FBXL13: variants seen among roughly 807,000 people sequenced by gnomAD.
FBXL13 encodes the protein F-box and leucine-rich repeat protein 13.
In FBXL13, 67 loss-of-function variants were observed where a neutral mutation model predicts 83.6. That is an observed-to-expected ratio of 0.80 (90% CI 0.66 to 0.98). The LOEUF is 0.98. Among genes scored for constraint, FBXL13 ranks in the 50% least tolerant of loss-of-function variants. The pLI is 0.00. For synonymous variants in FBXL13, 272 were observed against 299.5 expected (o/e 0.91, Z 0.95); for missense variants, 822 against 866.5 (o/e 0.95, Z 0.64).
At chr7:102,910,375 T>A (rs891472574) in intron 11 of FBXL13, among the ~76,000 whole-genome samples, 2 of 151,290 alleles carry the variant, frequency 1.3e-5, no homozygotes, top group African/African-American at 4.9e-5. Context: ...AGGTGTTTTT[T>A]CTTTTTCTTT....
Position 103,025,017 on chromosome 7 carries a change from C to T in FBXL13, c.495+46G>A, listed in dbSNP as rs767068466. On this transcript the variant is annotated intron_variant, in intron 6 of 19. Transcript: ENST00000313221. ...CTGGGATTACAGGCATGCACCACCACACTTGGCAGATTATAGTATATAATG... is the reference window on the plus strand; with the variant it reads ...CTGGGATTACAGGCATGCACCACCATACTTGGCAGATTATAGTATATAATG... 11 of 1,466,744 alleles carry T rather than the reference C, an allele frequency of 7.5e-6. No homozygotes were observed. In the South Asian group the frequency reaches 1.4e-4, roughly 19 times the overall value. 90.9% of individuals were successfully genotyped at this position (1,466,744 alleles called of 1,614,324 possible). A position where few individuals can be genotyped will look rare whatever the true frequency, so the allele number is the denominator to read the frequency against.
chr7:102,943,967 A>G (rs1415460976), intron 8 of FBXL13, among the ~76,000 whole-genome samples: 1 of 152,224 alleles, frequency 6.6e-6, no homozygotes, highest in Non-Finnish European at 1.5e-5. Flanking sequence ...CTTGCATCAT[A>G]AAGGTGACAA....
intron 9 of FBXL13, among the ~76,000 whole-genome samples, chr7:102,929,907 T>A (rs1252643490): frequency 4.6e-5 from 7 of 151,904 alleles, no homozygotes; most frequent in African/African-American, 1.7e-4. Flanking sequence ...TAAATATAAA[T>A]TTATTATATC....
chr7:102,909,832 C>T (rs1012816692), intron 11 of FBXL13, among the ~76,000 whole-genome samples: 2 of 152,156 alleles, frequency 1.3e-5, no homozygotes, highest in Non-Finnish European at 2.9e-5. Flanking sequence ...TCTTTTGGAT[C>T]GATGAGCTGT....
chr7:102,815,157 T>C (rs1016603737), intron 19 of FBXL13, among the ~76,000 whole-genome samples: 1 of 152,172 alleles, frequency 6.6e-6, no homozygotes, highest in African/African-American at 2.4e-5. Context: ...TTATCCATTT[T>C]TCAAAACTCC....
intron 18 of FBXL13, among the ~76,000 whole-genome samples, chr7:102,827,699 A>G (rs1040986799): frequency 1.3e-5 from 2 of 151,780 alleles, no homozygotes; most frequent in African/African-American, 4.8e-5. Context: ...ACAACAGGCC[A>G]TGGTGTGTGA....
chr7:103,047,951 C>G (rs1429406882), intron 2 of FBXL13, among the ~76,000 whole-genome samples: 5 of 152,250 alleles, frequency 3.3e-5, no homozygotes, highest in Non-Finnish European at 7.3e-5. Flanking sequence ...CTTCCTCGGT[C>G]TCCCAAAGTG....
chr7:102,994,691 T>A (rs1829915191), intron 6 of FBXL13, among the ~76,000 whole-genome samples: 1 of 152,220 alleles, frequency 6.6e-6, no homozygotes, highest in African/African-American at 2.4e-5. Context: ...TCAGGTCCTC[T>A]TATGCAAATA....
chr7:102,879,509 G>C lies in FBXL13; in HGVS notation c.1389-1059C>G, dbSNP rs76104995. Reference sequence around the variant, plus strand: ...TTATAGTCAAGAAAGGATTAAAAGTGAATGGAAAAGATTATTGAGGTAATG... The same window carrying C: ...TTATAGTCAAGAAAGGATTAAAAGTCAATGGAAAAGATTATTGAGGTAATG... On this transcript the variant is annotated intron_variant, in intron 14 of 19. Coordinates refer to ENST00000313221, the Ensembl canonical transcript of FBXL13. 3.8e-3 allele frequency among the ~76,000 whole-genome samples: 573 copies of C among 151,698 alleles called. 5 individuals carry two copies. The highest frequency in any genetic ancestry group is 0.014 in the African/African-American group (566 of 41,238).
chr7:102,865,691 G>A (rs561721815), intron 16 of FBXL13, among the ~76,000 whole-genome samples: 8 of 151,946 alleles, frequency 5.3e-5, no homozygotes, highest in South Asian at 2.1e-4. Context: ...ACAGGCACGC[G>A]CCACCATACC....
At chr7:103,003,536 T>G (rs1790658829) in intron 6 of FBXL13, among the ~76,000 whole-genome samples, 1 of 151,956 alleles carries the variant, frequency 6.6e-6, no homozygotes, top group Admixed American at 6.6e-5. Context: ...CCACCTGCCT[T>G]GGCCTCCCAA....
intron 2 of FBXL13, among the ~76,000 whole-genome samples, chr7:103,054,012 A>G (rs1370940389): frequency 6.6e-6 from 1 of 152,132 alleles, no homozygotes; most frequent in Non-Finnish European, 1.5e-5. Context: ...CACCTTGAAC[A>G]TGGCTTTGAT....
At chr7:103,046,195 T>C (rs539868439) in intron 2 of FBXL13, among the ~76,000 whole-genome samples, 1 of 151,766 alleles carries the variant, frequency 6.6e-6, no homozygotes, top group East Asian at 1.9e-4. Context: ...ATTTTTATAA[T>C]CTACGTTTGA....
chr7:102,851,501 C>T (rs1331027645), intron 17 of FBXL13, among the ~76,000 whole-genome samples: 1 of 128,234 alleles, frequency 7.8e-6, no homozygotes, highest in African/African-American at 3.0e-5. Context: ...TTCTCCTTCT[C>T]CTTCTTCTTT....
At chr7:102,906,974 G>GT (rs869045881) in intron 11 of FBXL13, among the ~76,000 whole-genome samples, 85 of 151,044 alleles carry the variant, frequency 5.6e-4, no homozygotes, top group Middle Eastern at 3.4e-3. Context: ...GTTTGTTTTT[G>GT]TTTTTTTTGG....
rs1563167643 is a variant in FBXL13 at position 102,970,350 on chromosome 7, A to ATTT, written c.496-2234_496-2233insAAA. The stretch of plus-strand genomic sequence containing the variant: ...AATAATAATAAATTCATTTTTTTTA[A>ATTT]AAAAATGAATGAAAAGAAAAAAAGA... On this transcript the variant is annotated intron_variant, in intron 6 of 19. Coordinates refer to ENST00000313221, the Ensembl canonical transcript of FBXL13. Among the ~76,000 whole-genome samples the ATTT allele has an allele frequency of 3.0e-3, 450 of 151,948 alleles. 1 individual carries two copies. Among genetic ancestry groups the ATTT allele is most frequent in the African/African-American group, 9.9e-3 (412 of 41,494 alleles).
intron 7 of FBXL13, among the ~76,000 whole-genome samples, chr7:102,964,172 G>A (rs887690728): frequency 2.1e-4 from 32 of 151,674 alleles, no homozygotes; most frequent in African/African-American, 6.5e-4. Flanking sequence ...TTAGCCAGGC[G>A]TGGTGACACA....
chr7:103,057,909 G>C (rs1797491367), intron 1 of FBXL13, among the ~76,000 whole-genome samples: 1 of 152,058 alleles, frequency 6.6e-6, no homozygotes, highest in Admixed American at 6.6e-5. Context: ...TGTTGGGGGT[G>C]GTCGGGATGC....
In FBXL13 at chr7:102,980,552, C is replaced by A. The variant is rs545548516; in HGVS notation, c.496-12435G>T. Among the ~76,000 whole-genome samples the A allele has an allele frequency of 2.6e-5, 4 of 152,162 alleles. 1 individual carries two copies. In the South Asian group the frequency reaches 8.3e-4, roughly 32 times the overall value. ...CAGCACTTTGCGAGGCTGAGGCAGG[C>A]GAATCACGAGGTCAGGAGATTGAGA... On this transcript the variant is annotated intron_variant, in intron 6 of 19. Coordinates refer to ENST00000313221, the Ensembl canonical transcript of FBXL13.
Sources: allele counts gnomAD v4.1 joint callset (sites outside exome capture counted in the v4.1 genomes callset), GRCh38; gene constraint gnomAD v4.1.1; transcripts MANE v1.5; gene names NCBI Gene and HGNC (gene_info 2026-07-23, HGNC 2026-07-21).